LMAN2: variants seen among roughly 807,000 people sequenced by gnomAD.
The protein encoded by LMAN2 is vesicular integral-membrane protein VIP36.
A neutral mutation model predicts 39.3 loss-of-function variants in LMAN2; 22 were observed. The observed-to-expected ratio is 0.56, with a 90% CI of 0.40 to 0.80. The LOEUF is 0.80. LMAN2 is among the 30% of genes least tolerant of loss of function. The pLI, the probability that LMAN2 is intolerant of heterozygous loss-of-function variation, is 0.00. For synonymous variants in LMAN2, 207 were observed against 207.8 expected (o/e 1.00, Z 0.03); for missense variants, 494 against 505.4 (o/e 0.98, Z 0.22).
At chr5:177,335,151 C>T (rs1361551108) in intron 6 of LMAN2, among the ~76,000 whole-genome samples, 2 of 152,162 alleles carry the variant, frequency 1.3e-5, no homozygotes, top group Admixed American at 6.5e-5. Context: ...ATCTCTGGAG[C>T]CAAGGGGGGA....
rs1159069821 is a variant in LMAN2 at position 177,332,023 on chromosome 5, C to T, written c.*63G>A. 4.7e-5 allele frequency: 68 copies of T among 1,455,656 alleles called. No individual in the cohort carries two copies. Among genetic ancestry groups the T allele is most frequent in the Non-Finnish European group, 5.9e-5 (63 of 1,074,280 alleles). 90.2% of individuals were successfully genotyped at this position (1,455,656 alleles called of 1,614,324 possible). On this transcript the variant is annotated 3_prime_UTR_variant, in exon 8 of 8. Coordinates refer to ENST00000303127, the MANE Select transcript of LMAN2 (RefSeq NM_006816.3). The surrounding 1 kb of genome is among the most constrained non-coding windows in gnomAD (Gnocchi z 6.3). ...TCATCTTGTTGTTCTTTTATAATCC[C>T]GGTAAAAAAAAAAGTTCACATTGGC...
At chr5:177,344,831 G>A (rs1225704951) in intron 2 of LMAN2, among the ~76,000 whole-genome samples, 3 of 151,454 alleles carry the variant, frequency 2.0e-5, no homozygotes, top group East Asian at 4.0e-4. Context: ...ACTTGAACCC[G>A]GGAGGCAGAG....
intron 2 of LMAN2, among the ~76,000 whole-genome samples, chr5:177,347,616 A>C (rs1189391227): frequency 1.3e-5 from 2 of 152,190 alleles, no homozygotes; most frequent in Non-Finnish European, 2.9e-5. Context: ...TTGGTCCTAC[A>C]CCAGGCCAAC....
In LMAN2 at chr5:177,351,427, C is replaced by G. The variant is rs1292676120; in HGVS notation, c.196+25G>C. The G allele has an allele frequency of 2.5e-6, 4 of 1,609,088 alleles. No homozygotes were observed. In the South Asian group the frequency reaches 3.3e-5, roughly 13 times the overall value. On this transcript the variant is annotated intron_variant, in intron 1 of 7. Coordinates refer to ENST00000303127, the MANE Select transcript of LMAN2 (RefSeq NM_006816.3). ...TGTTCAGCCTCGCCCTCACTCTTCA[C>G]TCATTCCCGCCCCAAGGGCTTCACC...
In LMAN2 at chr5:177,351,202, T is replaced by G; in HGVS notation, c.286A>C (p.Ser96Arg). 6.2e-7 allele frequency: 1 copy of G among 1,614,190 alleles called. No individual in the cohort carries two copies. The highest frequency in any genetic ancestry group is 8.5e-7 in the Non-Finnish European group (1 of 1,180,022). ...TGGTTCCAGATAGAGCCCTCTTTGCTGCGCTCGTCAGGGGTCAGACGTACG... is the reference window on the plus strand; with the variant it reads ...TGGTTCCAGATAGAGCCCTCTTTGCGGCGCTCGTCAGGGGTCAGACGTACG... ...QYVRLTPDERSKEGSIWNHQP... is the reference protein window; with the variant it reads ...QYVRLTPDERRKEGSIWNHQP... The change falls in exon 2 of 8, where the codon AGC becomes CGC. Residue 96 changes from serine (S) to arginine (R), a missense_variant. Coordinates refer to ENST00000303127, the MANE Select transcript of LMAN2 (RefSeq NM_006816.3).
intron 2 of LMAN2, among the ~76,000 whole-genome samples, chr5:177,339,999 G>A (rs1328988505): frequency 6.6e-6 from 1 of 152,058 alleles, no homozygotes; most frequent in Non-Finnish European, 1.5e-5. Flanking sequence ...GTAAGAGACA[G>A]AGGAAACAGT....
intron 2 of LMAN2, among the ~76,000 whole-genome samples, chr5:177,342,947 A>G (rs1047052993): frequency 2.6e-5 from 4 of 152,154 alleles, no homozygotes; most frequent in African/African-American, 9.7e-5. Flanking sequence ...AGGGATTAAT[A>G]TCTAGAATAT....
At position 177,332,263 on chromosome 5, in the gene LMAN2, G is replaced by A. The variant is rs183614768; in HGVS notation, c.911-17C>T. On this transcript the variant is annotated splice_polypyrimidine_tract_variant and intron_variant, in intron 7 of 7. Coordinates refer to ENST00000303127, the MANE Select transcript of LMAN2 (RefSeq NM_006816.3). This position sits in a 1 kb window ranked among gnomAD's most constrained non-coding sequence, Gnocchi z 6.3. ...CCACGTTGTCTGGGGGAGAAGAAAC[G>A]GGGGAGCTGAAACGGCAGCACGGGC... 5,999 of 1,609,538 alleles carry A rather than the reference G, an allele frequency of 3.7e-3. 16 individuals carry two copies. The highest frequency in any genetic ancestry group is 4.6e-3 in the Non-Finnish European group (5,455 of 1,178,246).
At chr5:177,348,652 C>T (rs1311958968) in intron 2 of LMAN2, among the ~76,000 whole-genome samples, 1 of 130,896 alleles carries the variant, frequency 7.6e-6, no homozygotes, top group African/African-American at 2.9e-5. Flanking sequence ...CGCACCACTG[C>T]ATTCCAGCCT....
chr5:177,345,736 CATTTATTTATTTATTT>C (rs752212044), intron 2 of LMAN2, among the ~76,000 whole-genome samples: 95 of 135,554 alleles, frequency 7.0e-4, no homozygotes, highest in African/African-American at 2.1e-3. Flanking sequence ...CCATGGCATG[CATTTATTTATTTATTT>C]ATTTATTTAT....
intron 2 of LMAN2, among the ~76,000 whole-genome samples, chr5:177,349,119 G>C (rs1259271348): frequency 1.3e-5 from 2 of 152,050 alleles, no homozygotes; most frequent in Non-Finnish European, 2.9e-5. Context: ...CCCCCAAAAG[G>C]ACAGGGCCTG....
At chr5:177,351,076 G>A (rs1235180523) in intron 2 of LMAN2, 97 bp downstream of exon 2, 35 of 1,045,886 alleles carry the variant, frequency 3.3e-5, no homozygotes, top group Non-Finnish European at 4.7e-5. Flanking sequence ...AGGGACGGAG[G>A]TGCAAACCTA....
At chr5:177,343,939 G>A (rs1202895249) in intron 2 of LMAN2, among the ~76,000 whole-genome samples, 3 of 152,236 alleles carry the variant, frequency 2.0e-5, no homozygotes, top group South Asian at 2.1e-4. Context: ...GCCAGGCGCA[G>A]TAGCTCACGC....
rs1761497909 is a variant in LMAN2, at chr5:177,337,835, C to T, written c.434-50G>A. On this transcript the variant is annotated intron_variant, in intron 3 of 7. Coordinates refer to ENST00000303127, the MANE Select transcript of LMAN2 (RefSeq NM_006816.3). The surrounding 1 kb of genome is among the most constrained non-coding windows in gnomAD (Gnocchi z 8.2). ...AGAATGGGAGAAACAGGAGCCGTCC[C>T]ATGGGTACCTAAAAGGCAAGCAATG... The T allele has an allele frequency of 6.4e-7, 1 of 1,557,656 alleles. No homozygotes were observed. Among genetic ancestry groups the T allele is most frequent in the South Asian group, 1.1e-5 (1 of 87,896 alleles).
rs1489092452 is a variant in LMAN2 at position 177,331,930 on chromosome 5, C to T, written c.*156G>A. 2.2e-5 allele frequency: 20 copies of T among 927,400 alleles called. No homozygotes were observed. Among genetic ancestry groups the T allele is most frequent in the African/African-American group, 3.3e-5 (2 of 59,806 alleles). 57.4% of individuals were successfully genotyped at this position (927,400 alleles called of 1,614,324 possible). A position where few individuals can be genotyped will look rare whatever the true frequency, so the allele number is the denominator to read the frequency against. ...TAAGCCTCGGCTCTGCCACCTGTCC[C>T]TGCTGGGCAAGAAGCAAAATGTATG... On this transcript the variant is annotated 3_prime_UTR_variant, in exon 8 of 8. Coordinates refer to ENST00000303127, the MANE Select transcript of LMAN2 (RefSeq NM_006816.3).
chr5:177,334,855 A>C (rs1761445825), intron 6 of LMAN2, among the ~76,000 whole-genome samples: 1 of 152,242 alleles, frequency 6.6e-6, no homozygotes, highest in Non-Finnish European at 1.5e-5. Context: ...CTGAGGTCCC[A>C]AGGGCAGGAG....
chr5:177,351,209 G>C lies in LMAN2; in HGVS notation c.279C>G (p.Asp93Glu), dbSNP rs200736631. Residue 93 changes from aspartate (D) to glutamate (E), a missense_variant, in exon 2 of 8, where the codon GAC becomes GAG. Physicochemically the swap from Asp to Glu is conservative, Grantham distance 45 (BLOSUM62 2). Coordinates refer to ENST00000303127, the MANE Select transcript of LMAN2 (RefSeq NM_006816.3). The stretch of plus-strand genomic sequence containing the variant: ...AGATAGAGCCCTCTTTGCTGCGCTC[G>C]TCAGGGGTCAGACGTACGTACTGGC... Reference protein sequence around the residue: ...LTSQYVRLTPDERSKEGSIWN... With the variant: ...LTSQYVRLTPEERSKEGSIWN... The C allele has an allele frequency of 5.0e-6, 8 of 1,614,052 alleles. No homozygotes were observed. Among genetic ancestry groups the C allele is most frequent in the Non-Finnish European group, 8.5e-7 (1 of 1,180,036 alleles).
intron 2 of LMAN2, among the ~76,000 whole-genome samples, chr5:177,342,359 A>C (rs542092034): frequency 6.6e-6 from 1 of 152,042 alleles, no homozygotes; most frequent in African/African-American, 2.4e-5. Flanking sequence ...AAATAATAAT[A>C]AGTATATAAA....
chr5:177,344,298 T>G (rs1307073607), intron 2 of LMAN2, among the ~76,000 whole-genome samples: 2 of 144,664 alleles, frequency 1.4e-5, no homozygotes, highest in Non-Finnish European at 3.0e-5. Flanking sequence ...TTTTTTTTTT[T>G]TTTTTGAGAC....
Sources: gnomAD v4.1 joint callset for allele counts (sites outside exome capture counted in the v4.1 genomes callset) on GRCh38, gnomAD v4.1.1 for gene constraint, Gnocchi (gnomAD v3.1) non-coding constraint, MANE v1.5 for transcripts, NCBI Gene and HGNC (gene_info 2026-07-23, HGNC 2026-07-21) for gene names.